Variants in C19orf47 observed in about 807,000 individuals in gnomAD.
C19orf47 encodes the protein chromosome 19 open reading frame 47.
C19orf47 carries 18 observed loss-of-function variants against 32.3 expected under a neutral mutation model. The ratio of observed to expected loss-of-function variants is 0.56; its 90% CI spans 0.39 to 0.83. The LOEUF is 0.83. Among genes scored for constraint, C19orf47 ranks in the 40% least tolerant of loss-of-function variants. The probability of loss-of-function intolerance (pLI) is 0.00; values close to 1 mark genes in which losing one functional copy is unlikely to be tolerated. For missense variants in C19orf47, 484 were observed against 531.6 expected (o/e 0.91, Z 0.88); for synonymous variants, 202 against 211.1 (o/e 0.96, Z 0.37).
At chr19:40,328,591 G>A (rs765167742) in intron 5 of C19orf47, 41 bp from the exon 6 acceptor site, 7 of 1,570,408 alleles carry the variant, frequency 4.5e-6, no homozygotes, top group Non-Finnish European at 6.0e-6. Flanking sequence ...TGGGGTCCTG[G>A]AAGACAGGCC....
chr19:40,328,125 AC>A (rs781363539), intron 6 of C19orf47, among the ~76,000 whole-genome samples: 15 of 151,520 alleles, frequency 9.9e-5, no homozygotes, highest in Non-Finnish European at 1.5e-5. Flanking sequence ...CAAAGCGTGA[AC>A]CCCTGAGTGA....
the C19orf47 span, among the ~76,000 whole-genome samples, chr19:40,293,208 T>C: frequency 2.0e-5 from 3 of 151,778 alleles, no homozygotes; most frequent in Admixed American, 2.0e-4. Flanking sequence ...TGGTGCGATC[T>C]CGGCTCACTG....
intron 7 of C19orf47, chr19:40,324,315 A>G: frequency 1.7e-6 from 1 of 577,340 alleles, no homozygotes; most frequent in Non-Finnish European, 3.1e-6. Context: ...ACACCTCAGC[A>G]CTAGCTCATG....
chr19:40,341,389 T>A (rs1460378359), intron 2 of C19orf47, among the ~76,000 whole-genome samples: 1 of 151,972 alleles, frequency 6.6e-6, no homozygotes, highest in Non-Finnish European at 1.5e-5. Flanking sequence ...ATAATAAATG[T>A]CAAAATTTTT....
chr19:40,322,490 A>C lies in C19orf47; in HGVS notation c.664-114T>G, dbSNP rs2077741781. On this transcript the variant is annotated intron_variant, in intron 8 of 8. Transcript: ENST00000683109. ...GGACTCACAGTTGGGAGAAACACCC[A>C]TCACTGACACCCCAGATAGTGGCGA... 14 of 1,260,472 alleles carry C rather than the reference A, an allele frequency of 1.1e-5. No homozygotes were observed. The South Asian group carries it at 1.7e-4, about 16-fold the overall frequency. The allele number at this position is 1,260,472 out of a possible 1,614,324, so 78.1% of individuals were successfully genotyped here.
At chr19:40,302,727 T>C in the C19orf47 span, among the ~76,000 whole-genome samples, 1 of 152,216 alleles carries the variant, frequency 6.6e-6, no homozygotes. Context: ...GTTATTTACC[T>C]GGAAACTTGA....
Position 40,341,530 on chromosome 19 carries a change from C to T in C19orf47, c.19+309G>A, listed in dbSNP as rs187001658. Reference sequence around the variant, plus strand: ...TTACATGCTATAATCTCCTTAATCCCAGGATGTGTGAATATCATTTCCATT... The same window carrying T: ...TTACATGCTATAATCTCCTTAATCCTAGGATGTGTGAATATCATTTCCATT... On this transcript the variant is annotated intron_variant, in intron 2 of 8. Transcript: ENST00000683109. Among the ~76,000 whole-genome samples, 7 of 152,246 alleles carry T rather than the reference C, an allele frequency of 4.6e-5. No homozygotes were observed. In the East Asian group the frequency reaches 1.2e-3, roughly 25 times the overall value.
chr19:40,303,319 C>G, the C19orf47 span, among the ~76,000 whole-genome samples: 62 of 151,224 alleles, frequency 4.1e-4, no homozygotes, highest in African/African-American at 1.4e-3. Context: ...GTCAGAAGAT[C>G]GAGACCATCC....
At chr19:40,338,086 T>C (rs1419723942) in intron 2 of C19orf47, among the ~76,000 whole-genome samples, 1 of 151,872 alleles carries the variant, frequency 6.6e-6, no homozygotes, top group Non-Finnish European at 1.5e-5. Flanking sequence ...GGGGTTTTAA[T>C]TTTTTTGAGA....
At chr19:40,312,132 T>C in the C19orf47 span, among the ~76,000 whole-genome samples, 4 of 152,236 alleles carry the variant, frequency 2.6e-5, no homozygotes, top group South Asian at 8.3e-4. Context: ...CATGCTCTTC[T>C]TACAAGGAGA....
intron 1 of C19orf47, among the ~76,000 whole-genome samples, chr19:40,343,142 C>T (rs972381696): frequency 6.6e-6 from 1 of 152,124 alleles, no homozygotes; most frequent in South Asian, 2.1e-4. Context: ...TAGCCCTCTG[C>T]CTCTTCCCTG....
At chr19:40,347,709 G>A (rs1268041699) in intron 1 of C19orf47, among the ~76,000 whole-genome samples, 1 of 152,136 alleles carries the variant, frequency 6.6e-6, no homozygotes, top group Non-Finnish European at 1.5e-5. Flanking sequence ...CCAATTCTAA[G>A]TTTTTCCTAT....
At chr19:40,334,206 C>A (rs577452810) in intron 4 of C19orf47, among the ~76,000 whole-genome samples, 80 of 151,980 alleles carry the variant, frequency 5.3e-4, no homozygotes, top group Admixed American at 1.7e-3. Flanking sequence ...CCCAGCACTT[C>A]GGGAGGCCGA....
intron 1 of C19orf47, among the ~76,000 whole-genome samples, chr19:40,347,015 G>C (rs2078311376): frequency 6.6e-6 from 1 of 152,092 alleles, no homozygotes; most frequent in Non-Finnish European, 1.5e-5. Flanking sequence ...TGTGAGCTGG[G>C]AACAAGTATA....
chr19:40,322,309 T>G lies in C19orf47; in HGVS notation c.731A>C (p.Asp244Ala). The stretch of plus-strand genomic sequence containing the variant: ...CAAGACAGAGCTGCTGCTGTCATTG[T>G]CGCTGTCCCAAGCCAGATCCTCGTC... ...ETDEDLAWDS[D>A]NDSSSSVLQY... The change falls in exon 9 of 9, where the codon GAC becomes GCC. Residue 244 changes from aspartate to alanine, a missense_variant. Asp to Ala is a moderately radical substitution (Grantham distance 126). Coordinates refer to ENST00000683109, the MANE Select transcript of C19orf47 (RefSeq NM_001256441.2). 6.2e-7 allele frequency: 1 copy of G among 1,608,472 alleles called. No individual in the cohort carries two copies. Among genetic ancestry groups the G allele is most frequent in the Non-Finnish European group, 8.5e-7 (1 of 1,178,698 alleles).
At chr19:40,339,687 G>A (rs142425344) in intron 2 of C19orf47, among the ~76,000 whole-genome samples, 2,581 of 152,068 alleles carry the variant, frequency 0.017, 28 homozygotes, top group Non-Finnish European at 0.025. Context: ...GAAAAGCAAG[G>A]AAGGCCAGGA....
the C19orf47 span, among the ~76,000 whole-genome samples, chr19:40,314,271 T>C: frequency 6.6e-6 from 1 of 151,966 alleles, no homozygotes; most frequent in African/African-American, 2.4e-5. Flanking sequence ...CTATTAAAAA[T>C]ACAAAAATTA....
chr19:40,343,112 G>A (rs2078209017), intron 1 of C19orf47, among the ~76,000 whole-genome samples: 1 of 152,080 alleles, frequency 6.6e-6, no homozygotes. Flanking sequence ...CACTGCCCTG[G>A]CCCAAACTTC....
chr19:40,300,498 C>G, the C19orf47 span, among the ~76,000 whole-genome samples: 16 of 152,124 alleles, frequency 1.1e-4, no homozygotes, highest in East Asian at 2.9e-3. Flanking sequence ...GGATATGTTA[C>G]TGATATGAAT....
Sources: gnomAD v4.1 joint callset for allele counts (sites outside exome capture counted in the v4.1 genomes callset) on GRCh38, gnomAD v4.1.1 for gene constraint, MANE v1.5 for transcripts, NCBI Gene and HGNC (gene_info 2026-07-23, HGNC 2026-07-21) for gene names.